The following PAPPA variants were observed in gnomAD, a reference collection of about 807,000 sequenced individuals.
The protein encoded by PAPPA is pappalysin 1.
Under a neutral mutation model 164.0 loss-of-function variants are expected in PAPPA, and 60 were observed. That is an observed-to-expected ratio of 0.37 (90% CI 0.30 to 0.45). The LOEUF (loss-of-function observed/expected upper bound fraction) is 0.45. PAPPA is among the 20% of genes least tolerant of loss of function. The pLI is 1.00. For synonymous variants in PAPPA, 875 were observed against 814.1 expected (o/e 1.07, Z -1.27); for missense variants, 1,782 against 2,087.3 (o/e 0.85, Z 2.85).
At position 116,153,972 on chromosome 9, in the gene PAPPA, GGC is replaced by G. The variant is rs1318118378; in HGVS notation, c.-200_-199del. Reference sequence around the variant, plus strand: ...ATTAATTGCCAACCAGGAGGAGTTGGGCTGTATTTTTCAAAGGTGGGGAGAGT... The same window carrying G: ...ATTAATTGCCAACCAGGAGGAGTTGGTGTATTTTTCAAAGGTGGGGAGAGT... On this transcript the variant is annotated 5_prime_UTR_variant, in exon 1 of 22. Coordinates refer to ENST00000328252, the MANE Select transcript of PAPPA (RefSeq NM_002581.5). 21 of 462,106 alleles carry G rather than the reference GGC, an allele frequency of 4.5e-5. No homozygotes were observed. Among genetic ancestry groups the G allele is most frequent in the Non-Finnish European group, 6.5e-5 (21 of 325,310 alleles). 28.6% of individuals were successfully genotyped at this position (462,106 alleles called of 1,614,324 possible). A position where few individuals can be genotyped will look rare whatever the true frequency, so the allele number is the denominator to read the frequency against.
rs1218174574 is a variant in PAPPA at position 116,399,702 on chromosome 9, A to G, written c.*3086A>G. 2 of 152,614 alleles carry G rather than the reference A, an allele frequency of 1.3e-5. No homozygotes were observed. Among genetic ancestry groups the G allele is most frequent in the Non-Finnish European group, 2.9e-5 (2 of 68,036 alleles). 9.5% of individuals were successfully genotyped at this position (152,614 alleles called of 1,614,324 possible). On this transcript the variant is annotated 3_prime_UTR_variant, in exon 22 of 22. Transcript: ENST00000328252. ...TACCCAAAGGATTTGCATTACCCCC[A>G]GATTCTGTGCCAACAACCTTTTAAG... is the stretch of plus-strand genomic sequence containing the variant.
At chr9:116,168,545 T>G (rs1338530866) in intron 1 of PAPPA, among the ~76,000 whole-genome samples, 2 of 152,202 alleles carry the variant, frequency 1.3e-5, no homozygotes, top group Non-Finnish European at 2.9e-5. Context: ...ATAAGTGATC[T>G]TTTCCACCTG....
intron 10 of PAPPA, among the ~76,000 whole-genome samples, chr9:116,311,076 T>C (rs1362521410): frequency 8.7e-6 from 1 of 115,550 alleles, no homozygotes; most frequent in South Asian, 3.1e-4. Flanking sequence ...TTTTTTTTTT[T>C]TCTAACAGAA....
rs748591443 is a variant in PAPPA, at chr9:116,187,475, A to C, written c.737A>C (p.Asn246Thr). 1.9e-6 allele frequency: 3 copies of C among 1,614,164 alleles called. No individual in the cohort carries two copies. The highest frequency in any genetic ancestry group is 2.5e-6 in the Non-Finnish European group (3 of 1,180,036). Residue 246 changes from asparagine (N) to threonine (T), a missense_variant, in exon 2 of 22, where the codon AAT becomes ACT. By Grantham distance (65) the Asn-to-Thr change is moderately conservative. Transcript: ENST00000328252. This position sits in a 1 kb window ranked among gnomAD's most constrained non-coding sequence, Gnocchi z 4.2. ...KVLMLGGSAL[N>T]HNYRGYIEHF... ...CTCATGTTAGGGGGCAGTGCCCTGA[A>C]TCACAACTACCGGGGCTACATCGAG...
chr9:116,218,538 G>A (rs1844404088), intron 4 of PAPPA, among the ~76,000 whole-genome samples: 1 of 152,046 alleles, frequency 6.6e-6, no homozygotes, highest in African/African-American at 2.4e-5. Flanking sequence ...TAAAACTGTT[G>A]GAGGGAGAAA....
intron 10 of PAPPA, among the ~76,000 whole-genome samples, chr9:116,329,853 TA>T (rs1278969837): frequency 6.6e-6 from 1 of 152,196 alleles, no homozygotes; most frequent in African/African-American, 2.4e-5. Context: ...TTATTTCTCT[TA>T]CTGTTCCTTT....
intron 17 of PAPPA, among the ~76,000 whole-genome samples, chr9:116,359,064 A>T (rs1052968712): frequency 3.3e-5 from 5 of 152,200 alleles, no homozygotes; most frequent in Non-Finnish European, 7.3e-5. Flanking sequence ...AGAGAAGTTA[A>T]AGAGCATCCC....
In PAPPA at chr9:116,274,084, C is replaced by CAAA. The variant is rs11342214; in HGVS notation, c.2953+2678_2953+2680dup. On this transcript the variant is annotated intron_variant, in intron 9 of 21. Transcript: ENST00000328252. ...AGAGCTCACTGTGGTAAGCTACCTGCAAAAAAAAAAAAGATAGCTCCTGGT... is the reference window on the plus strand; with the variant it reads ...AGAGCTCACTGTGGTAAGCTACCTGCAAAAAAAAAAAAAAAGATAGCTCCTGGT... Among the ~76,000 whole-genome samples the CAAA allele has an allele frequency of 3.7e-3, 523 of 140,776 alleles. 3 individuals are homozygous for CAAA. Among genetic ancestry groups the CAAA allele is most frequent in the African/African-American group, 0.013 (493 of 37,968 alleles). 92.4% of individuals were successfully genotyped at this position (140,776 alleles called of 152,430 possible). A position where few individuals can be genotyped will look rare whatever the true frequency, so the allele number is the denominator to read the frequency against.
At chr9:116,330,068 A>G (rs759638885) in intron 10 of PAPPA, among the ~76,000 whole-genome samples, 12 of 152,218 alleles carry the variant, frequency 7.9e-5, no homozygotes, top group Non-Finnish European at 1.6e-4. Context: ...TTGAGGATAT[A>G]TCACTTTTTT....
At chr9:116,228,359 C>G (rs1844542080) in intron 6 of PAPPA, among the ~76,000 whole-genome samples, 1 of 152,154 alleles carries the variant, frequency 6.6e-6, no homozygotes, top group Non-Finnish European at 1.5e-5. Flanking sequence ...TCTTGCTCTT[C>G]TGCAGGTTAG....
In PAPPA at chr9:116,289,368, G is replaced by GCCATATATATGGCATATATATA. The variant is rs1564212449; in HGVS notation, c.2954-13389_2954-13388insCCATATATATGGCATATATATA. On this transcript the variant is annotated intron_variant, in intron 9 of 21. Transcript: ENST00000328252. The stretch of plus-strand genomic sequence containing the variant: ...TATGGCATATATATGGCATATATAT[G>GCCATATATATGGCATATATATA]GCATATATATAGCATATGTATATAT... Among the ~76,000 whole-genome samples the GCCATATATATGGCATATATATA allele has an allele frequency of 3.8e-4, 38 of 99,766 alleles. 3 individuals carry two copies. The highest frequency in any genetic ancestry group is 1.2e-3 in the African/African-American group (32 of 25,892). The allele number at this position is 99,766 out of a possible 152,430, so 65.5% of individuals were successfully genotyped here. A position where few individuals can be genotyped will look rare whatever the true frequency, so the allele number is the denominator to read the frequency against.
intron 5 of PAPPA, 33 bp from the exon 6 acceptor site, chr9:116,227,398 C>T (rs527908358): frequency 9.3e-6 from 15 of 1,612,574 alleles, no homozygotes; most frequent in South Asian, 4.4e-5. Flanking sequence ...GTTCCTAAGT[C>T]GGTGCATTTT....
intron 10 of PAPPA, among the ~76,000 whole-genome samples, chr9:116,317,846 C>T (rs1304268875): frequency 6.6e-6 from 1 of 151,642 alleles, no homozygotes; most frequent in African/African-American, 2.4e-5. Context: ...ACAGTGCTCT[C>T]TTGATCTGAT....
intron 10 of PAPPA, among the ~76,000 whole-genome samples, chr9:116,306,434 A>G (rs1845647500): frequency 6.6e-6 from 1 of 152,220 alleles, no homozygotes; most frequent in Non-Finnish European, 1.5e-5. Context: ...CATGATTCCC[A>G]AATTTGGTTA....
At chr9:116,375,822 A>C (rs1230610399) in intron 19 of PAPPA, among the ~76,000 whole-genome samples, 1 of 152,146 alleles carries the variant, frequency 6.6e-6, no homozygotes, top group Non-Finnish European at 1.5e-5. Flanking sequence ...TTTTAATTAA[A>C]ATTAATCAAC....
chr9:116,178,948 C>T (rs1587940117), intron 1 of PAPPA, among the ~76,000 whole-genome samples: 1 of 152,220 alleles, frequency 6.6e-6, no homozygotes, highest in Non-Finnish European at 1.5e-5. Context: ...GAGGGAATTA[C>T]AGTTTGCCAT....
chr9:116,322,082 G>A lies in PAPPA; in HGVS notation c.3148-9162G>A, dbSNP rs1200537816. Among the ~76,000 whole-genome samples the A allele has an allele frequency of 3.9e-5, 6 of 152,254 alleles. No individual in the cohort carries two copies. The East Asian group carries it at 1.2e-3, about 29-fold the overall frequency. ...CTTATTTCACAAGATTATTAGGAAG[G>A]TAAAATGAGATAATACACAGGCAGC... is the stretch of plus-strand genomic sequence containing the variant. On this transcript the variant is annotated intron_variant, in intron 10 of 21. Coordinates refer to ENST00000328252, the MANE Select transcript of PAPPA (RefSeq NM_002581.5).
At position 116,160,106 on chromosome 9, in the gene PAPPA, C is replaced by A. The variant is rs554363072; in HGVS notation, c.415+5519C>A. On this transcript the variant is annotated intron_variant, in intron 1 of 21. Coordinates refer to ENST00000328252, the MANE Select transcript of PAPPA (RefSeq NM_002581.5). ...GCCTTCTCAGGTAATGTTGAAGGACCACTAGTGAAAATAATTACTGATGTA... is the reference window on the plus strand; with the variant it reads ...GCCTTCTCAGGTAATGTTGAAGGACAACTAGTGAAAATAATTACTGATGTA... 4.7e-4 allele frequency among the ~76,000 whole-genome samples: 72 copies of A among 152,140 alleles called. 1 individual carries two copies. Among genetic ancestry groups the A allele is most frequent in the Non-Finnish European group, 1.1e-3 (72 of 68,044 alleles).
chr9:116,154,696 G>A lies in PAPPA; in HGVS notation c.415+109G>A. 5.0e-6 allele frequency: 6 copies of A among 1,196,520 alleles called. No individual in the cohort carries two copies. The highest frequency in any genetic ancestry group is 6.3e-6 in the Non-Finnish European group (6 of 953,640). The allele number at this position is 1,196,520 out of a possible 1,614,324, so 74.1% of individuals were successfully genotyped here. On this transcript the variant is annotated intron_variant, in intron 1 of 21. Coordinates refer to ENST00000328252, the MANE Select transcript of PAPPA (RefSeq NM_002581.5). The surrounding 1 kb of genome is among the most constrained non-coding windows in gnomAD (Gnocchi z 5.2). ...GTCGGGGGCTTGCGGGCGTGTCTGT[G>A]CGAGAGCTGCCCCGCGAGCGGCGCA...
Sources: gnomAD v4.1 joint callset for allele counts (sites outside exome capture counted in the v4.1 genomes callset) on GRCh38, gnomAD v4.1.1 for gene constraint, Gnocchi (gnomAD v3.1) non-coding constraint, MANE v1.5 for transcripts, NCBI Gene and HGNC (gene_info 2026-07-23, HGNC 2026-07-21) for gene names.